Variants in SYNE1 observed in about 807,000 individuals in gnomAD.
SYNE1 encodes nesprin-1.
Under a neutral mutation model 1,111.0 loss-of-function variants are expected in SYNE1, and 616 were observed. That is an observed-to-expected ratio of 0.55 (90% CI 0.52 to 0.59). SYNE1 has a LOEUF of 0.59. Ranked by LOEUF, SYNE1 falls within the 20% of genes least tolerant of loss-of-function variation. The probability of loss-of-function intolerance (pLI) is 0.00; values close to 1 mark genes in which losing one functional copy is unlikely to be tolerated. For synonymous variants in SYNE1, 3,855 were observed against 3,825.8 expected (o/e 1.01, Z -0.28); for missense variants, 10,006 against 10,417.0 (o/e 0.96, Z 1.72).
At chr6:152,333,138 T>G (rs962670625) in intron 77 of SYNE1, among the ~76,000 whole-genome samples, 12 of 152,220 alleles carry the variant, frequency 7.9e-5, no homozygotes, top group East Asian at 7.7e-4. Flanking sequence ...GAAGTGTAGA[T>G]TTTAACAATT....
intron 128 of SYNE1, among the ~76,000 whole-genome samples, chr6:152,180,938 T>A (rs750109085): frequency 5.3e-5 from 8 of 152,184 alleles, no homozygotes; most frequent in South Asian, 2.1e-4. Context: ...TTCCTTCTTT[T>A]TTTTTCGCAT....
At chr6:152,417,469 G>T (rs1213437945) in intron 40 of SYNE1, among the ~76,000 whole-genome samples, 3 of 151,922 alleles carry the variant, frequency 2.0e-5, no homozygotes, top group African/African-American at 7.3e-5. Flanking sequence ...CTGCACTCCA[G>T]CCTGGGAAAC....
chr6:152,427,172 T>C (rs2098371609), intron 38 of SYNE1, among the ~76,000 whole-genome samples: 1 of 152,228 alleles, frequency 6.6e-6, no homozygotes, highest in Non-Finnish European at 1.5e-5. Flanking sequence ...ATAAACTTTG[T>C]CTTTCTACCT....
At chr6:152,458,479 T>G (rs1270325038) in intron 22 of SYNE1, among the ~76,000 whole-genome samples, 1 of 152,212 alleles carries the variant, frequency 6.6e-6, no homozygotes, top group Non-Finnish European at 1.5e-5. Context: ...TTTCTAACTT[T>G]GCTCAACTCA....
chr6:152,593,034 T>C (rs892282253), intron 3 of SYNE1, among the ~76,000 whole-genome samples: 1 of 152,220 alleles, frequency 6.6e-6, no homozygotes, highest in Non-Finnish European at 1.5e-5. Flanking sequence ...TAAATGTATG[T>C]ACAACTCATT....
intron 131 of SYNE1, among the ~76,000 whole-genome samples, chr6:152,160,614 C>T (rs2062284875): frequency 6.6e-6 from 1 of 152,250 alleles, no homozygotes; most frequent in Admixed American, 6.5e-5. Flanking sequence ...GTATTTTCCT[C>T]TCACTTTCAT....
intron 11 of SYNE1, among the ~76,000 whole-genome samples, chr6:152,497,389 A>G (rs2099005398): frequency 6.6e-6 from 1 of 152,224 alleles, no homozygotes; most frequent in South Asian, 2.1e-4. Flanking sequence ...TTATCAGTTG[A>G]TTCTCATGCC....
In SYNE1 at chr6:152,373,177, T is replaced by C; in HGVS notation, c.9367A>G (p.Met3123Val). The C allele has an allele frequency of 1.2e-6, 2 of 1,613,982 alleles. No individual in the cohort carries two copies. Among genetic ancestry groups the C allele is most frequent in the Middle Eastern group, 1.6e-4 (1 of 6,062 alleles). ...AGAAGTTCCCCTTTAGACAGCATCATGTTTAGCTTGTGCTGTCCATTTTCA... is the reference window on the plus strand; with the variant it reads ...AGAAGTTCCCCTTTAGACAGCATCACGTTTAGCTTGTGCTGTCCATTTTCA... Reference protein sequence around the residue: ...ESENGQHKLNMMLSKGELLST... With the variant: ...ESENGQHKLNVMLSKGELLST... Residue 3123 changes from methionine (M) to valine (V), a missense_variant, in exon 59 of 146, where the codon ATG becomes GTG. This residue lies in a region of SYNE1 where 4,955 missense variants were observed against 5,017.2 expected (regional missense o/e 0.99). Coordinates refer to ENST00000367255, the MANE Select transcript of SYNE1 (RefSeq NM_182961.4).
At chr6:152,555,653 T>C (rs2099362624) in intron 3 of SYNE1, among the ~76,000 whole-genome samples, 1 of 152,106 alleles carries the variant, frequency 6.6e-6, no homozygotes, top group South Asian at 2.1e-4. Context: ...CCCAGAACAA[T>C]TGGAACCCAA....
chr6:152,163,274 A>G (rs2062907249), intron 131 of SYNE1, among the ~76,000 whole-genome samples: 1 of 152,138 alleles, frequency 6.6e-6, no homozygotes, highest in Admixed American at 6.5e-5. Context: ...GAGGGTGGGC[A>G]GATCACTTGA....
chr6:152,151,523 A>C (rs199558112), intron 135 of SYNE1, 30 bp downstream of exon 135: 23 of 1,612,770 alleles, frequency 1.4e-5, no homozygotes, highest in African/African-American at 2.7e-5. Context: ...GGCTTTCTTC[A>C]CTTTGGTAAC....
intron 125 of SYNE1, among the ~76,000 whole-genome samples, chr6:152,206,933 C>T (rs1202436944): frequency 1.3e-5 from 2 of 152,062 alleles, no homozygotes; most frequent in African/African-American, 4.8e-5. Context: ...GGTTTTTATA[C>T]TAAAAGTGAC....
chr6:152,152,233 T>G, intron 133 of SYNE1, 92 bp from the exon 134 acceptor site: 1 of 1,158,882 alleles, frequency 8.6e-7, no homozygotes, highest in Non-Finnish European at 1.3e-6. Context: ...TCTGGGAGAA[T>G]GGGAAGTTAC....
At position 152,148,671 on chromosome 6, in the gene SYNE1, T is replaced by G. The variant is rs1345381394; in HGVS notation, c.24643-293A>C. ...TAACAGTCCCAGGCATCCCACAGGG[T>G]TTTTTTTTTTTGAGTGGGAAAAAAT... is the stretch of plus-strand genomic sequence containing the variant. On this transcript the variant is annotated intron_variant, in intron 136 of 145. Coordinates refer to ENST00000367255, the MANE Select transcript of SYNE1 (RefSeq NM_182961.4). This position sits in a 1 kb window ranked among gnomAD's most constrained non-coding sequence, Gnocchi z 4.1. Among the ~76,000 whole-genome samples, 5 of 39,876 alleles carry G rather than the reference T, an allele frequency of 1.3e-4. No individual in the cohort carries two copies. The highest frequency in any genetic ancestry group is 2.4e-4 in the Non-Finnish European group (5 of 20,438). 26.2% of individuals were successfully genotyped at this position (39,876 alleles called of 152,430 possible).
intron 80 of SYNE1, 152 bp from the exon 81 acceptor site, chr6:152,325,454 TG>T (rs2096037768): frequency 1.4e-6 from 1 of 718,516 alleles, no homozygotes; most frequent in Non-Finnish European, 2.3e-6. Flanking sequence ...CTTACTTTTA[TG>T]TTTATTTTTT....
At chr6:152,463,829 C>T (rs1354937374) in intron 18 of SYNE1, among the ~76,000 whole-genome samples, 4 of 152,108 alleles carry the variant, frequency 2.6e-5, no homozygotes, top group African/African-American at 7.2e-5. Context: ...GAGACCTGTG[C>T]ATAACCTTCA....
intron 50 of SYNE1, among the ~76,000 whole-genome samples, chr6:152,396,172 C>T (rs2097728284): frequency 6.6e-6 from 1 of 152,164 alleles, no homozygotes; most frequent in Non-Finnish European, 1.5e-5. Context: ...AAAGTGGCCT[C>T]TGTGTCTTTG....
intron 104 of SYNE1, among the ~76,000 whole-genome samples, chr6:152,249,791 G>T (rs996755579): frequency 1.1e-4 from 16 of 151,974 alleles, no homozygotes; most frequent in Non-Finnish European, 2.2e-4. Context: ...TATCCATGAT[G>T]GCCAAAAACA....
At chr6:152,396,645 T>A (rs1052537067) in intron 50 of SYNE1, 130 bp downstream of exon 50, 4 of 941,690 alleles carry the variant, frequency 4.2e-6, no homozygotes, top group Non-Finnish European at 6.7e-6. Context: ...CCTGTATTTA[T>A]GATCAAAGCT....
Sources: gnomAD v4.1 joint callset for allele counts (sites outside exome capture counted in the v4.1 genomes callset) on GRCh38, gnomAD v4.1.1 for gene constraint, gnomAD v4.1.1 regional missense constraint, Gnocchi (gnomAD v3.1) non-coding constraint, MANE v1.5 for transcripts, NCBI Gene and HGNC (gene_info 2026-07-23, HGNC 2026-07-21) for gene names.